TMX2: variants seen among roughly 807,000 people sequenced by gnomAD.
The protein encoded by TMX2 is thioredoxin-related transmembrane protein 2.
Under a neutral mutation model 33.4 loss-of-function variants are expected in TMX2, and 20 were observed. That is an observed-to-expected ratio of 0.60 (90% CI 0.42 to 0.87). The LOEUF (loss-of-function observed/expected upper bound fraction) is 0.87, where lower values mean the gene tolerates loss of function less well. Among genes scored for constraint, TMX2 ranks in the 40% least tolerant of loss-of-function variants. TMX2 has a pLI of 0.00. For missense variants in TMX2, 340 were observed against 370.7 expected (o/e 0.92, Z 0.68); for synonymous variants, 166 against 140.7 (o/e 1.18, Z -1.27).
At chr11:57,735,473 A>C (rs1332763384) in intron 1 of TMX2, among the ~76,000 whole-genome samples, 1 of 152,074 alleles carries the variant, frequency 6.6e-6, no homozygotes, top group African/African-American at 2.4e-5. Flanking sequence ...AGCCTCCCAA[A>C]GTGCTGGGAT....
intron 1 of TMX2, among the ~76,000 whole-genome samples, chr11:57,716,056 A>G (rs955338457): frequency 6.6e-6 from 1 of 151,598 alleles, no homozygotes; most frequent in African/African-American, 2.4e-5. Context: ...ATTCCACAAA[A>G]CCGCCATTGT....
chr11:57,718,068 ATCT>A (rs1590911684), intron 1 of TMX2: 10 of 1,247,350 alleles, frequency 8.0e-6, no homozygotes, highest in South Asian at 1.2e-5. Flanking sequence ...AGCAATGGTG[ATCT>A]TCTTGCTGGT....
chr11:57,715,923 C>T (rs1473590902), intron 1 of TMX2, among the ~76,000 whole-genome samples: 2 of 152,006 alleles, frequency 1.3e-5, no homozygotes, highest in African/African-American at 4.8e-5. Flanking sequence ...CAACAGGATC[C>T]CAAGGCAGAA....
chr11:57,717,972 G>A (rs1947295279), intron 1 of TMX2: 2 of 740,218 alleles, frequency 2.7e-6, no homozygotes, highest in East Asian at 4.9e-5. Context: ...TGGGGTAGAG[G>A]GGTGCTCTCC....
chr11:57,726,008 T>G (rs1431494901), intron 1 of TMX2, among the ~76,000 whole-genome samples: 1 of 152,212 alleles, frequency 6.6e-6, no homozygotes, highest in East Asian at 1.9e-4. Flanking sequence ...CAGATATGTA[T>G]ATATACATAT....
chr11:57,714,211 C>T (rs938534486), intron 1 of TMX2, among the ~76,000 whole-genome samples: 1 of 152,152 alleles, frequency 6.6e-6, no homozygotes, highest in African/African-American at 2.4e-5. Context: ...AATTGAGCGG[C>T]AAAGGATCCC....
intron 1 of TMX2, among the ~76,000 whole-genome samples, chr11:57,716,237 CG>C (rs1196637111): frequency 6.7e-6 from 1 of 149,504 alleles, no homozygotes; most frequent in Non-Finnish European, 1.5e-5. Flanking sequence ...CCCTCCTGGA[CG>C]GGGCGGATGG....
At chr11:57,716,543 G>A (rs1448796838) in intron 1 of TMX2, among the ~76,000 whole-genome samples, 1 of 125,202 alleles carries the variant, frequency 8.0e-6, no homozygotes, top group African/African-American at 3.1e-5. Context: ...TCACCTCCCG[G>A]ACGGGGCGGC....
chr11:57,737,853 C>T (rs746083373), intron 2 of TMX2, 60 bp from the exon 3 acceptor site: 1 of 1,614,076 alleles, frequency 6.2e-7, no homozygotes, highest in Admixed American at 1.7e-5. Flanking sequence ...TGAAGAGGGA[C>T]AAAGAATGGG....
rs1330706636 is a variant in TMX2, at chr11:57,738,449, TTC to T, written c.441+21_441+22del. The T allele has an allele frequency of 6.3e-7, 1 of 1,579,506 alleles. No homozygotes were observed. Among genetic ancestry groups the T allele is most frequent in the South Asian group, 1.1e-5 (1 of 90,050 alleles). On this transcript the variant is annotated intron_variant, in intron 4 of 7. Transcript: ENST00000278422. ...CATTGATGTGAGTGCTCTTTCCCCT[TTC>T]TGTTTCTTGGGTCCCTTGTGGGTGA...
chr11:57,736,715 C>T lies in TMX2; in HGVS notation c.190-893C>T, dbSNP rs902913961. On this transcript the variant is annotated intron_variant, in intron 1 of 7. Coordinates refer to ENST00000278422, the MANE Select transcript of TMX2 (RefSeq NM_015959.4). ...CCAGCCCGGGCAACATGGGGAGACC[C>T]GGTCTCTACAAAAAATACAAAAATT... Among the ~76,000 whole-genome samples, 4 of 151,878 alleles carry T rather than the reference C, an allele frequency of 2.6e-5. 1 individual carries two copies. The highest frequency in any genetic ancestry group is 3.9e-4 in the East Asian group (2 of 5,144).
chr11:57,720,483 A>G (rs1040682929), intron 1 of TMX2, among the ~76,000 whole-genome samples: 1 of 152,226 alleles, frequency 6.6e-6, no homozygotes, highest in Non-Finnish European at 1.5e-5. Context: ...ACTCACTGCA[A>G]CCTCTGCCTC....
At chr11:57,721,479 G>C (rs1947630246) in intron 1 of TMX2, among the ~76,000 whole-genome samples, 1 of 151,070 alleles carries the variant, frequency 6.6e-6, no homozygotes, top group African/African-American at 2.4e-5. Flanking sequence ...ACCATGCCCA[G>C]CTAATTTTGT....
chr11:57,721,160 G>A (rs1947602712), intron 1 of TMX2, among the ~76,000 whole-genome samples: 1 of 151,786 alleles, frequency 6.6e-6, no homozygotes, highest in African/African-American at 2.4e-5. Flanking sequence ...ATATTAGCCG[G>A]GTGTGGTGGT....
At chr11:57,740,047 CTT>C in intron 7 of TMX2, 50 bp from the exon 8 acceptor site, 1 of 1,612,286 alleles carries the variant, frequency 6.2e-7, no homozygotes, top group Non-Finnish European at 8.5e-7. Flanking sequence ...TTCCCAGGCT[CTT>C]TACTCTCCCT....
intron 1 of TMX2, among the ~76,000 whole-genome samples, chr11:57,725,507 C>T (rs548098093): frequency 1.5e-4 from 23 of 152,234 alleles, no homozygotes; most frequent in African/African-American, 4.8e-4. Flanking sequence ...GAGACCGAGG[C>T]GGGTGGATCA....
chr11:57,716,730 C>G (rs1947107644), intron 1 of TMX2, among the ~76,000 whole-genome samples: 1 of 148,360 alleles, frequency 6.7e-6, no homozygotes, highest in African/African-American at 2.5e-5. Context: ...CCCCACCTCC[C>G]TCCCGGACGG....
intron 1 of TMX2, among the ~76,000 whole-genome samples, chr11:57,720,830 C>T (rs1208937116): frequency 1.3e-5 from 2 of 152,192 alleles, no homozygotes; most frequent in African/African-American, 4.8e-5. Flanking sequence ...GCCACTAGAC[C>T]ACAGATCATA....
At chr11:57,715,219 G>T (rs1241863443) in intron 1 of TMX2, among the ~76,000 whole-genome samples, 1 of 151,926 alleles carries the variant, frequency 6.6e-6, no homozygotes, top group Non-Finnish European at 1.5e-5. Context: ...GGCCAACATG[G>T]TGTAACCCCG....
Sources: allele counts gnomAD v4.1 joint callset (sites outside exome capture counted in the v4.1 genomes callset), GRCh38; gene constraint gnomAD v4.1.1; transcripts MANE v1.5; gene names NCBI Gene and HGNC (gene_info 2026-07-23, HGNC 2026-07-21).